ALDH6A1: variants seen among roughly 807,000 people sequenced by gnomAD.
ALDH6A1 encodes the protein aldehyde dehydrogenase 6 family member A1.
A neutral mutation model predicts 62.6 loss-of-function variants in ALDH6A1; 43 were observed. The observed-to-expected ratio is 0.69, with a 90% CI of 0.54 to 0.89. ALDH6A1 has a LOEUF of 0.89. Among genes scored for constraint, ALDH6A1 ranks in the 40% least tolerant of loss-of-function variants. The pLI is 0.00. For synonymous variants in ALDH6A1, 194 were observed against 234.2 expected (o/e 0.83, Z 1.57); for missense variants, 551 against 661.3 (o/e 0.83, Z 1.83).
intron 11 of ALDH6A1, among the ~76,000 whole-genome samples, chr14:74,063,073 T>C (rs977661653): frequency 6.6e-6 from 1 of 152,172 alleles, no homozygotes; most frequent in African/African-American, 2.4e-5. Context: ...ATTTCTTCCT[T>C]TTCTTCTCAT....
intron 1 of ALDH6A1, among the ~76,000 whole-genome samples, chr14:74,075,290 T>A (rs1442784304): frequency 1.3e-5 from 2 of 152,122 alleles, no homozygotes; most frequent in Non-Finnish European, 2.9e-5. Flanking sequence ...GCCTGGCAAA[T>A]GTACCATAAA....
chr14:74,068,476 T>G (rs1595120562), intron 7 of ALDH6A1, among the ~76,000 whole-genome samples: 1 of 150,794 alleles, frequency 6.6e-6, no homozygotes, highest in Admixed American at 6.6e-5. Context: ...TGGTAAGGCT[T>G]ACGCCTGTAA....
Position 74,059,322 on chromosome 14 carries a change from G to T in ALDH6A1, c.*1320C>A, listed in dbSNP as rs112285871. On this transcript the variant is annotated 3_prime_UTR_variant, in exon 12 of 12. Transcript: ENST00000553458. ...AGCAGGTTAGATTTGCTTAAGGCAG[G>T]TGTCTTACCCATTTTCATGGTTGGA... 27 of 454,290 alleles carry T rather than the reference G, an allele frequency of 5.9e-5. No homozygotes were observed. The highest frequency in any genetic ancestry group is 2.0e-4 in the African/African-American group (10 of 50,050). The allele number at this position is 454,290 out of a possible 1,614,324, so 28.1% of individuals were successfully genotyped here.
chr14:74,075,066 T>C, intron 1 of ALDH6A1, 49 bp from the exon 2 acceptor site: 1 of 1,582,800 alleles, frequency 6.3e-7, no homozygotes, highest in Non-Finnish European at 8.7e-7. Flanking sequence ...CAGAAAGTTA[T>C]TTAAAATTTA....
At chr14:74,075,412 T>C (rs1347504616) in intron 1 of ALDH6A1, among the ~76,000 whole-genome samples, 1 of 152,090 alleles carries the variant, frequency 6.6e-6, no homozygotes, top group Non-Finnish European at 1.5e-5. Context: ...ATCTCAGCAC[T>C]TTGGGAAGCT....
chr14:74,071,810 G>A (rs2060553241), intron 5 of ALDH6A1, 86 bp downstream of exon 5: 1 of 1,526,602 alleles, frequency 6.6e-7, no homozygotes, highest in African/African-American at 1.4e-5. Flanking sequence ...CTATGTAAAG[G>A]AAGAAGCAAC....
chr14:74,068,586 T>A (rs565981493), intron 7 of ALDH6A1, among the ~76,000 whole-genome samples: 4 of 150,768 alleles, frequency 2.7e-5, no homozygotes, highest in African/African-American at 9.8e-5. Flanking sequence ...TGAAAAAAAA[T>A]AGAAAAATTA....
At chr14:74,063,874 A>G (rs1489061497) in intron 11 of ALDH6A1, among the ~76,000 whole-genome samples, 1 of 151,682 alleles carries the variant, frequency 6.6e-6, no homozygotes, top group Non-Finnish European at 1.5e-5. Context: ...TCAAAAAAAA[A>G]AAAAAAATTA....
intron 9 of ALDH6A1, chr14:74,065,658 G>A (rs900170283): frequency 1.8e-5 from 6 of 337,008 alleles, no homozygotes; most frequent in East Asian, 6.3e-5. Context: ...ATACCTGAAC[G>A]ACTAGTTTCA....
chr14:74,069,518 A>G (rs886073305), intron 6 of ALDH6A1, among the ~76,000 whole-genome samples: 9 of 151,938 alleles, frequency 5.9e-5, no homozygotes, highest in Non-Finnish European at 1.0e-4. Flanking sequence ...TGGGAGGCCG[A>G]GGCAGGTGGA....
intron 11 of ALDH6A1, chr14:74,064,587 C>A: frequency 1.7e-6 from 2 of 1,148,470 alleles, no homozygotes; most frequent in Admixed American, 1.7e-5. Flanking sequence ...TATACAAAGG[C>A]TTAGACTTCC....
chr14:74,064,904 G>A lies in ALDH6A1; in HGVS notation c.1421C>T (p.Pro474Leu). 6.2e-7 allele frequency: 1 copy of A among 1,613,824 alleles called. No individual in the cohort carries two copies. Among genetic ancestry groups the A allele is most frequent in the Non-Finnish European group, 8.5e-7 (1 of 1,179,854 alleles). ...GAACATTGGCAAAGGCACTGGAATG[G>A]GGACATTCACTCCCACCTAAAACAG... is the stretch of plus-strand genomic sequence containing the variant. ...VDVGQVGVNV[P>L]IPVPLPMFSF... Residue 474 changes from proline (P) to leucine (L), a missense_variant, in exon 11 of 12, where the codon CCC becomes CTC. Coordinates refer to ENST00000553458, the MANE Select transcript of ALDH6A1 (RefSeq NM_005589.4).
At chr14:74,068,419 A>G (rs1362996889) in intron 7 of ALDH6A1, among the ~76,000 whole-genome samples, 1 of 151,292 alleles carries the variant, frequency 6.6e-6, no homozygotes, top group Non-Finnish European at 1.5e-5. Flanking sequence ...CTTAGAATGA[A>G]ACTCCTCAAA....
At chr14:74,064,217 G>A (rs1355147077) in intron 11 of ALDH6A1, among the ~76,000 whole-genome samples, 1 of 151,136 alleles carries the variant, frequency 6.6e-6, no homozygotes, top group Non-Finnish European at 1.5e-5. Context: ...AGAAGTGCTT[G>A]AACCCAGGAG....
At position 74,071,188 on chromosome 14, in the gene ALDH6A1, C is replaced by T; in HGVS notation, c.730+7G>A. 1.2e-6 allele frequency: 2 copies of T among 1,612,536 alleles called. No homozygotes were observed. Among genetic ancestry groups the T allele is most frequent in the Non-Finnish European group, 1.7e-6 (2 of 1,178,580 alleles). The stretch of plus-strand genomic sequence containing the variant: ...GATTAAGTAGCCATATGCATAAGGG[C>T]AGTTACCTTCATGCTGTCCATGGAT... On this transcript the variant is annotated splice_region_variant and intron_variant, in intron 6 of 11. Coordinates refer to ENST00000553458, the MANE Select transcript of ALDH6A1 (RefSeq NM_005589.4).
intron 11 of ALDH6A1, 169 bp downstream of exon 11, chr14:74,064,653 T>C (rs1015346549): frequency 1.2e-6 from 2 of 1,612,314 alleles, no homozygotes; most frequent in Admixed American, 1.7e-5. Context: ...GAAGCAGCTT[T>C]GGCAAAATTT....
chr14:74,076,613 T>G (rs968720950), intron 1 of ALDH6A1, among the ~76,000 whole-genome samples: 5 of 152,230 alleles, frequency 3.3e-5, no homozygotes, highest in African/African-American at 4.8e-5. Flanking sequence ...CTTGGCTCAC[T>G]GCAACCTCCA....
At chr14:74,062,569 C>G (rs1476601347) in intron 11 of ALDH6A1, among the ~76,000 whole-genome samples, 1 of 152,120 alleles carries the variant, frequency 6.6e-6, no homozygotes, top group Non-Finnish European at 1.5e-5. Flanking sequence ...CCACTATACT[C>G]CAGCCTGGGT....
At position 74,057,569 on chromosome 14, in the gene ALDH6A1, CTT is replaced by C; in HGVS notation, c.*3071_*3072del. The C allele has an allele frequency of 7.5e-7, 1 of 1,329,138 alleles. No homozygotes were observed. Among genetic ancestry groups the C allele is most frequent in the South Asian group, 1.3e-5 (1 of 74,094 alleles). 82.3% of individuals were successfully genotyped at this position (1,329,138 alleles called of 1,614,324 possible). A position where few individuals can be genotyped will look rare whatever the true frequency, so the allele number is the denominator to read the frequency against. ...GAGTAAACATAGTGACCTTGTGACT[CTT>C]AGCTTTCCATCACAGGTGGGAAGTC... On this transcript the variant is annotated 3_prime_UTR_variant, in exon 12 of 12. Transcript: ENST00000553458.
Sources: allele counts gnomAD v4.1 joint callset (sites outside exome capture counted in the v4.1 genomes callset), GRCh38; gene constraint gnomAD v4.1.1; transcripts MANE v1.5; gene names NCBI Gene and HGNC (gene_info 2026-07-23, HGNC 2026-07-21).